SYNE1: variants seen among roughly 807,000 people sequenced by gnomAD.
SYNE1 encodes nesprin-1.
A neutral mutation model predicts 1,111.0 loss-of-function variants in SYNE1; 616 were observed. That is an observed-to-expected ratio of 0.55 (90% CI 0.52 to 0.59). SYNE1 has a LOEUF of 0.59. Ranked by LOEUF, SYNE1 falls within the 20% of genes least tolerant of loss-of-function variation. The pLI is 0.00. For synonymous variants in SYNE1, 3,855 were observed against 3,825.8 expected, an observed-to-expected ratio of 1.01 and a Z score of -0.28; for missense variants, 10,006 against 10,417.0, an observed-to-expected ratio of 0.96 and a Z score of 1.72.
At chr6:152,224,402 G>T in intron 117 of SYNE1, 92 bp downstream of exon 117, 1 of 1,086,412 alleles carries the variant, frequency 9.2e-7, no homozygotes. Context: ...AACAACATAT[G>T]GCAATATTTC....
intron 50 of SYNE1, 31 bp from the exon 51 acceptor site, chr6:152,395,702 C>A: frequency 1.9e-6 from 3 of 1,612,134 alleles, no homozygotes; most frequent in Non-Finnish European, 2.5e-6. Context: ...TAGAGAAATT[C>A]TTACATGCTT....
chr6:152,148,003 G>C lies in SYNE1; in HGVS notation c.24976+42C>G. ...TTCCAGGGCAATATTAATTCCCTCT[G>C]ACTTTCCTTTAAGCTGGCAAACTGG... On this transcript the variant is annotated intron_variant, in intron 137 of 145. Transcript: ENST00000367255. This position sits in a 1 kb window ranked among gnomAD's most constrained non-coding sequence, Gnocchi z 4.1. The C allele has an allele frequency of 6.5e-7, 1 of 1,545,812 alleles. No homozygotes were observed. Among genetic ancestry groups the C allele is most frequent in the African/African-American group, 1.4e-5 (1 of 73,684 alleles).
intron 14 of SYNE1, among the ~76,000 whole-genome samples, chr6:152,481,759 C>G (rs1013819009): frequency 6.6e-6 from 1 of 150,874 alleles, no homozygotes; most frequent in Non-Finnish European, 1.5e-5. Context: ...GAAACTGATT[C>G]AATCCCAGGA....
At chr6:152,278,482 A>C (rs945642256) in intron 97 of SYNE1, among the ~76,000 whole-genome samples, 1 of 150,990 alleles carries the variant, frequency 6.6e-6, no homozygotes, top group African/African-American at 2.4e-5. Context: ...TTATTTTTTT[A>C]GACAGAATCT....
chr6:152,184,360 C>A (rs1016038865), intron 128 of SYNE1, among the ~76,000 whole-genome samples: 63 of 151,736 alleles, frequency 4.2e-4, no homozygotes, highest in African/African-American at 1.5e-3. Context: ...CTGCTTGAAC[C>A]CAGGAGGCAC....
At chr6:152,411,746 C>G (rs905588629) in intron 42 of SYNE1, among the ~76,000 whole-genome samples, 7 of 151,466 alleles carry the variant, frequency 4.6e-5, no homozygotes, top group Non-Finnish European at 7.4e-5. Flanking sequence ...CACACACACA[C>G]AGAGATGGCT....
rs1475499820 is a variant in SYNE1, at chr6:152,419,737, T to C, written c.5268-15A>G. On this transcript the variant is annotated splice_polypyrimidine_tract_variant and intron_variant, in intron 39 of 145. Coordinates refer to ENST00000367255, the MANE Select transcript of SYNE1 (RefSeq NM_182961.4). ...GAAAATTAATCCTATGTAGACAAAG[T>C]ATTAAAGTTAAAATGTCCCATAAGT... 2.5e-6 allele frequency: 4 copies of C among 1,613,394 alleles called. No individual in the cohort carries two copies. The highest frequency in any genetic ancestry group is 3.4e-6 in the Non-Finnish European group (4 of 1,179,464).
chr6:152,145,390 G>C (rs974679766), intron 137 of SYNE1: 46 of 1,197,982 alleles, frequency 3.8e-5, no homozygotes, highest in East Asian at 1.4e-4. Context: ...TAACATGCTA[G>C]AGCCACAAAG....
At chr6:152,513,108 T>G (rs1035163123) in intron 6 of SYNE1, among the ~76,000 whole-genome samples, 3 of 152,182 alleles carry the variant, frequency 2.0e-5, no homozygotes, top group Admixed American at 1.3e-4. Flanking sequence ...CTTAAAACCT[T>G]CAGGTGATTC....
At chr6:152,269,689 C>T (rs771363323) in intron 98 of SYNE1, among the ~76,000 whole-genome samples, 3 of 152,112 alleles carry the variant, frequency 2.0e-5, no homozygotes, top group East Asian at 3.9e-4. Context: ...GTGTCTCTCC[C>T]GTGAAAGCAT....
intron 5 of SYNE1, 120 bp from the exon 6 acceptor site, chr6:152,520,662 T>G: frequency 1.8e-6 from 2 of 1,117,306 alleles, no homozygotes. Context: ...CAACCAACAT[T>G]GTTCACTTTC....
In SYNE1 at chr6:152,122,653, G is replaced by A. The variant is rs751627369; in HGVS notation, c.26177C>T (p.Ser8726Phe). 4 of 1,614,028 alleles carry A rather than the reference G, an allele frequency of 2.5e-6. No homozygotes were observed. Among genetic ancestry groups the A allele is most frequent in the Non-Finnish European group, 3.4e-6 (4 of 1,179,944 alleles). The change falls in exon 146 of 146, where the codon TCC becomes TTC. Residue 8726 changes from serine (S) to phenylalanine (F), a missense_variant. Ser to Phe is a radical substitution (Grantham distance 155). Transcript: ENST00000367255. Reference sequence around the variant, plus strand: ...ACCTGGCCCTGGCTCAGAAAGGGAGGAATCGGAGCCACCTTTTGTGGACCT... The same window carrying A: ...ACCTGGCCCTGGCTCAGAAAGGGAGAAATCGGAGCCACCTTTTGTGGACCT... ...HSRSTKGGSD[S>F]SLSEPGPGRS...
chr6:152,261,697 A>G (rs2092017885), intron 101 of SYNE1, among the ~76,000 whole-genome samples: 1 of 152,222 alleles, frequency 6.6e-6, no homozygotes, highest in Non-Finnish European at 1.5e-5. Flanking sequence ...AGATGTGCAT[A>G]TCCTTGATTT....
At chr6:152,597,259 C>A (rs1428224430) in intron 3 of SYNE1, among the ~76,000 whole-genome samples, 1 of 152,062 alleles carries the variant, frequency 6.6e-6, no homozygotes, top group Non-Finnish European at 1.5e-5. Context: ...CTACCTAAAG[C>A]ACTTTCCTGT....
At chr6:152,599,068 C>T (rs763074238) in intron 3 of SYNE1, among the ~76,000 whole-genome samples, 24 of 152,196 alleles carry the variant, frequency 1.6e-4, no homozygotes, top group Non-Finnish European at 3.5e-4. Context: ...ATAAACAGCA[C>T]AGTCCAAGGA....
At chr6:152,480,456 G>T (rs1402968506) in intron 14 of SYNE1, among the ~76,000 whole-genome samples, 1 of 152,176 alleles carries the variant, frequency 6.6e-6, no homozygotes, top group African/African-American at 2.4e-5. Context: ...GGGAAGAAGA[G>T]GTTGCAATGA....
At chr6:152,363,683 T>C (rs2096991611) in intron 63 of SYNE1, 2 of 453,964 alleles carry the variant, frequency 4.4e-6, no homozygotes, top group Non-Finnish European at 8.8e-6. Flanking sequence ...GTTGGACTTC[T>C]AATTGCTCCT....
At chr6:152,622,244 G>C (rs1396538166) in intron 3 of SYNE1, among the ~76,000 whole-genome samples, 1 of 152,160 alleles carries the variant, frequency 6.6e-6, no homozygotes, top group Non-Finnish European at 1.5e-5. Flanking sequence ...GAGTCATTAA[G>C]TTAGAGTAAT....
At position 152,358,938 on chromosome 6, in the gene SYNE1, T is replaced by C. The variant is rs898054845; in HGVS notation, c.10443+377A>G. 6.6e-4 allele frequency among the ~76,000 whole-genome samples: 101 copies of C among 152,336 alleles called. 2 individuals carry two copies. The highest frequency in any genetic ancestry group is 2.3e-3 in the African/African-American group (95 of 41,594). On this transcript the variant is annotated intron_variant, in intron 65 of 145. Transcript: ENST00000367255. Reference sequence around the variant, plus strand: ...GTAGAATGCGCTCTGAAAAAGCATATTTATTTTCTTTGTGAGGACTAAATG... The same window carrying C: ...GTAGAATGCGCTCTGAAAAAGCATACTTATTTTCTTTGTGAGGACTAAATG...
Sources: allele counts gnomAD v4.1 joint callset (sites outside exome capture counted in the v4.1 genomes callset), GRCh38; gene constraint gnomAD v4.1.1; non-coding constraint Gnocchi (gnomAD v3.1); transcripts MANE v1.5; gene names NCBI Gene and HGNC (gene_info 2026-07-23, HGNC 2026-07-21).